TUBGCP3: variants seen among roughly 807,000 people sequenced by gnomAD.
TUBGCP3 encodes the protein gamma-tubulin complex component 3.
A neutral mutation model predicts 123.1 loss-of-function variants in TUBGCP3; 50 were observed. The observed-to-expected ratio is 0.41, with a 90% confidence interval of 0.32 to 0.51. The LOEUF (loss-of-function observed/expected upper bound fraction) is 0.51, where lower values mean the gene tolerates loss of function less well. Ranked by LOEUF, TUBGCP3 falls within the 20% of genes least tolerant of loss-of-function variation. The probability of loss-of-function intolerance (pLI) is 0.36; values close to 1 mark genes in which losing one functional copy is unlikely to be tolerated. For missense variants in TUBGCP3, 882 were observed against 1,127.0 expected (o/e 0.78, Z 3.11); for synonymous variants, 405 against 413.9 (o/e 0.98, Z 0.26).
rs1876436898 is a variant in TUBGCP3, at chr13:112,519,524, A to G, written c.1881+362T>C. Among the ~76,000 whole-genome samples the G allele has an allele frequency of 6.6e-6, 1 of 152,202 alleles. No homozygotes were observed. The highest frequency in any genetic ancestry group is 2.1e-4 in the South Asian group (1 of 4,826). ...CATTTTCTGATAAATACCATCGTACACCATGTCTTGTGCTCCTGTTGGATT... is the reference window on the plus strand; with the variant it reads ...CATTTTCTGATAAATACCATCGTACGCCATGTCTTGTGCTCCTGTTGGATT... On this transcript the variant is annotated intron_variant, in intron 15 of 21. Transcript: ENST00000261965. This position sits in a 1 kb window ranked among gnomAD's most constrained non-coding sequence, Gnocchi z 6.2.
intron 17 of TUBGCP3, among the ~76,000 whole-genome samples, chr13:112,510,988 G>A (rs143460361): frequency 6.6e-6 from 1 of 152,300 alleles, no homozygotes; most frequent in East Asian, 1.9e-4. Context: ...AGGCCACACT[G>A]GACAGTTGAT....
intron 11 of TUBGCP3, among the ~76,000 whole-genome samples, chr13:112,540,161 G>A (rs1878397814): frequency 6.7e-6 from 1 of 149,502 alleles, no homozygotes; most frequent in South Asian, 2.2e-4. Context: ...AGTAGCCTAT[G>A]AGCATTCAGG....
rs998045322 is a variant in TUBGCP3 at position 112,524,754 on chromosome 13, T to C, written c.1555+2188A>G. On this transcript the variant is annotated intron_variant, in intron 13 of 21. Coordinates refer to ENST00000261965, the MANE Select transcript of TUBGCP3 (RefSeq NM_006322.6). This position sits in a 1 kb window ranked among gnomAD's most constrained non-coding sequence, Gnocchi z 4.4. ...GAGCTCTTGCTACACCATCCTGCCT[T>C]GTCCTGAGTTACCATGGTGAGATAA... 7.2e-5 allele frequency among the ~76,000 whole-genome samples: 11 copies of C among 152,184 alleles called. No homozygotes were observed. The highest frequency in any genetic ancestry group is 2.9e-5 in the Non-Finnish European group (2 of 68,032).
the TUBGCP3 span, among the ~76,000 whole-genome samples, chr13:112,600,266 T>TA: frequency 1.3e-5 from 2 of 152,184 alleles, no homozygotes; most frequent in African/African-American, 4.8e-5. Flanking sequence ...CTTGATATTA[T>TA]AGGGGAAAAA....
intron 11 of TUBGCP3, among the ~76,000 whole-genome samples, chr13:112,538,354 T>C (rs1878240521): frequency 6.6e-6 from 1 of 152,248 alleles, no homozygotes; most frequent in Non-Finnish European, 1.5e-5. Flanking sequence ...ATAAGAGATA[T>C]TCAACCTAAA....
intron 19 of TUBGCP3, among the ~76,000 whole-genome samples, chr13:112,502,585 G>A (rs1347124461): frequency 8.7e-6 from 1 of 115,452 alleles, no homozygotes; most frequent in Non-Finnish European, 1.7e-5. Flanking sequence ...TCGCTCTGTT[G>A]CCCAGGCTGG....
chr13:112,591,712 A>T (rs1177823700), upstream of TUBGCP3, among the ~76,000 whole-genome samples: 1 of 152,228 alleles, frequency 6.6e-6, no homozygotes, highest in Non-Finnish European at 1.5e-5. Context: ...TGATGAAGGC[A>T]AGTGTGCATC....
At chr13:112,512,003 A>C (rs1411115096) in intron 17 of TUBGCP3, among the ~76,000 whole-genome samples, 1 of 152,262 alleles carries the variant, frequency 6.6e-6, no homozygotes, top group Non-Finnish European at 1.5e-5. Flanking sequence ...GAAAAGATAA[A>C]GGAAAACCTG....
chr13:112,546,001 T>C, intron 10 of TUBGCP3, 136 bp from the exon 11 acceptor site: 1 of 923,286 alleles, frequency 1.1e-6, no homozygotes, highest in Non-Finnish European at 1.6e-6. Context: ...AATACCACTT[T>C]GGACCTAGAA....
intron 20 of TUBGCP3, 77 bp downstream of exon 20, chr13:112,498,968 G>A (rs768873694): frequency 2.5e-6 from 4 of 1,614,044 alleles, no homozygotes; most frequent in Non-Finnish European, 3.4e-6. Context: ...AAAGTTATTT[G>A]TTGGCATTTG....
At position 112,555,824 on chromosome 13, in the gene TUBGCP3, C is replaced by T. The variant is rs550382329; in HGVS notation, c.721+228G>A. Among the ~76,000 whole-genome samples, 224 of 152,240 alleles carry T rather than the reference C, an allele frequency of 1.5e-3. 2 individuals are homozygous for T. Among genetic ancestry groups the T allele is most frequent in the Non-Finnish European group, 2.2e-3 (147 of 68,024 alleles). On this transcript the variant is annotated intron_variant, in intron 6 of 21. Transcript: ENST00000261965. ...GGAGGGAGGAGGCCACATGGAAAAG[C>T]AGCCAAAAAGCAGACTGTGCTGGGA...
intron 1 of TUBGCP3, among the ~76,000 whole-genome samples, chr13:112,582,447 G>A (rs770377400): frequency 2.0e-5 from 3 of 152,206 alleles, no homozygotes; most frequent in Admixed American, 6.5e-5. Context: ...AGGACCTCGT[G>A]AAGTAGATGC....
intron 17 of TUBGCP3, among the ~76,000 whole-genome samples, chr13:112,512,749 C>T (rs955992021): frequency 1.1e-4 from 17 of 152,068 alleles, no homozygotes; most frequent in Non-Finnish European, 2.2e-4. Context: ...AAAAGGTAAA[C>T]GTAAATCTCC....
Position 112,587,993 on chromosome 13 carries a change from C to G in TUBGCP3, c.-13G>C, listed in dbSNP as rs751573724. 4 of 1,556,728 alleles carry G rather than the reference C, an allele frequency of 2.6e-6. No homozygotes were observed. The South Asian group carries it at 4.8e-5, about 18-fold the overall frequency. ...CCGGGGTCGCCATCCTCGCCCGGAG[C>G]CGTGCACGGTGGTCCGGGCAGAGCC... On this transcript the variant is annotated 5_prime_UTR_variant, in exon 1 of 22. Coordinates refer to ENST00000261965, the MANE Select transcript of TUBGCP3 (RefSeq NM_006322.6).
intron 6 of TUBGCP3, among the ~76,000 whole-genome samples, chr13:112,555,606 G>A (rs372538149): frequency 5.9e-5 from 9 of 152,108 alleles, no homozygotes; most frequent in African/African-American, 1.9e-4. Context: ...GACTCTCTTC[G>A]ACGTGCCAGG....
chr13:112,489,890 T>C lies in TUBGCP3; in HGVS notation c.2449-193A>G. Reference sequence around the variant, plus strand: ...TACTTTTTCCAGTTAACAATGTGTGTTGAAAATATTTCATATGAACACATT... The same window carrying C: ...TACTTTTTCCAGTTAACAATGTGTGCTGAAAATATTTCATATGAACACATT... On this transcript the variant is annotated intron_variant, in intron 20 of 21. Transcript: ENST00000261965. The C allele has an allele frequency of 3.4e-6, 2 of 580,534 alleles. 1 individual carries two copies. Among genetic ancestry groups the C allele is most frequent in the South Asian group, 4.6e-5 (2 of 43,844 alleles). 36.0% of individuals were successfully genotyped at this position (580,534 alleles called of 1,614,324 possible).
chr13:112,594,234 G>T, the TUBGCP3 span, among the ~76,000 whole-genome samples: 1 of 152,132 alleles, frequency 6.6e-6, no homozygotes, highest in Admixed American at 6.5e-5. Context: ...AATGAGAAAG[G>T]TACAACTTTT....
chr13:112,580,225 G>A (rs1449658965), intron 1 of TUBGCP3, among the ~76,000 whole-genome samples: 1 of 152,050 alleles, frequency 6.6e-6, no homozygotes, highest in Non-Finnish European at 1.5e-5. Context: ...TTTTTTAAAT[G>A]GGCTAAATAG....
Position 112,560,387 on chromosome 13 carries a change from G to A in TUBGCP3, c.253-988C>T, listed in dbSNP as rs1002465473. Among the ~76,000 whole-genome samples, 107 of 148,350 alleles carry A rather than the reference G, an allele frequency of 7.2e-4. No homozygotes were observed. The East Asian group carries it at 7.4e-3, about 10-fold the overall frequency. On this transcript the variant is annotated intron_variant, in intron 3 of 21. Transcript: ENST00000261965. ...GGAGCTTGCAGTGAGCCGAGATCCC[G>A]CCACTGCACTCCAGCCTGGGCGACA...
Sources: allele counts gnomAD v4.1 joint callset (sites outside exome capture counted in the v4.1 genomes callset), GRCh38; gene constraint gnomAD v4.1.1; non-coding constraint Gnocchi (gnomAD v3.1); transcripts MANE v1.5; gene names NCBI Gene and HGNC (gene_info 2026-07-23, HGNC 2026-07-21).